LPIN3: variants seen among roughly 807,000 people sequenced by gnomAD.
LPIN3 encodes phosphatidate phosphatase LPIN3.
A neutral mutation model predicts 94.7 loss-of-function variants in LPIN3; 82 were observed. The ratio of observed to expected loss-of-function variants is 0.87; its 90% CI spans 0.72 to 1.04. The LOEUF (loss-of-function observed/expected upper bound fraction) is 1.04, where lower values mean the gene tolerates loss of function less well. LPIN3 is among the 50% of genes least tolerant of loss of function. The pLI is 0.00. For synonymous variants in LPIN3, 418 were observed against 443.3 expected (o/e 0.94, Z 0.72); for missense variants, 996 against 1,090.5 (o/e 0.91, Z 1.22).
rs1285243441 is a variant in LPIN3, at chr20:41,340,955, T to C, written c.-56T>C. 6.6e-6 allele frequency: 1 copy of C among 152,182 alleles called. No individual in the cohort carries two copies. The highest frequency in any genetic ancestry group is 2.4e-5 in the African/African-American group (1 of 41,412). 9.4% of individuals were successfully genotyped at this position (152,182 alleles called of 1,614,324 possible). On this transcript the variant is annotated 5_prime_UTR_variant, in exon 1 of 20. Coordinates refer to ENST00000373257, the MANE Select transcript of LPIN3 (RefSeq NM_022896.3). ...CACCTGTGGAGCCTGTGCACGTAGGTAGAGGCGGCGGCTCTGAGTCCAGGA... is the reference window on the plus strand; with the variant it reads ...CACCTGTGGAGCCTGTGCACGTAGGCAGAGGCGGCGGCTCTGAGTCCAGGA...
chr20:41,358,269 A>G lies in LPIN3; in HGVS notation c.2225A>G (p.Lys742Arg), dbSNP rs745310504. 6.2e-7 allele frequency: 1 copy of G among 1,614,086 alleles called. No individual in the cohort carries two copies. Among genetic ancestry groups the G allele is most frequent in the Non-Finnish European group, 8.5e-7 (1 of 1,180,028 alleles). Residue 742 changes from lysine (K) to arginine (R), a missense_variant, in exon 18 of 20, where the codon AAG (lysine) becomes AGG (arginine). Transcript: ENST00000373257. ...ATCGAGAAGAAACCAGAGGTGTTCA[A>G]GGTCGCCTGCCTGAGTGACATCCAG... ...EVIEKKPEVFKVACLSDIQQL... is the reference protein window; with the variant it reads ...EVIEKKPEVFRVACLSDIQQL...
At position 41,349,537 on chromosome 20, in the gene LPIN3, C is replaced by CCCTT. The variant is rs752063163; in HGVS notation, c.639-221_639-218dup. Among the ~76,000 whole-genome samples, 40 of 151,778 alleles carry CCCTT rather than the reference C, an allele frequency of 2.6e-4. 1 individual carries two copies. Among genetic ancestry groups the CCCTT allele is most frequent in the African/African-American group, 9.2e-4 (38 of 41,280 alleles). On this transcript the variant is annotated intron_variant, in intron 5 of 19. Transcript: ENST00000373257. ...CCATCTTCTTTTTTTTTCCTTCCTT[C>CCCTT]CCTTCCTTCCTTCCTTCCTCCCTCC...
intron 1 of LPIN3, among the ~76,000 whole-genome samples, chr20:41,341,850 G>A (rs568470236): frequency 6.6e-5 from 10 of 152,182 alleles, no homozygotes; most frequent in Non-Finnish European, 1.3e-4. Context: ...GGTGGCACAC[G>A]CCTGTAGTCC....
In LPIN3 at chr20:41,357,132, C is replaced by T. The variant is rs1157306789; in HGVS notation, c.1896C>T (p.Tyr632=). Residue 632 remains tyrosine, a synonymous_variant, in exon 15 of 20, where the codon TAC becomes TAT. Transcript: ENST00000373257. ...CCTGCCGCTGCAAGGCCACCATCTA[C>T]CTGTGGAAATGGGACGACAAGGTGG... ...QGTCRCKATI[Y]LWKWDDKVVI... 7 of 1,614,052 alleles carry T rather than the reference C, an allele frequency of 4.3e-6. No individual in the cohort carries two copies. The highest frequency in any genetic ancestry group is 2.2e-5 in the South Asian group (2 of 91,090).
Position 41,350,200 on chromosome 20 carries a change from A to T in LPIN3, c.905A>T (p.Glu302Val). ...TTGGGACTCCCAATCCAGCAAACAGAGGCTGGTGCCGACCTTCAGCCTGAC... is the reference window on the plus strand; with the variant it reads ...TTGGGACTCCCAATCCAGCAAACAGTGGCTGGTGCCGACCTTCAGCCTGAC... ...DPLGLPIQQT[E>V]AGADLQPDTE... is the part of the protein sequence containing the mutation. The change falls in exon 7 of 20, where the codon GAG (glutamate) becomes GTG (valine). Residue 302 changes from glutamate to valine, a missense_variant. Coordinates refer to ENST00000373257, the MANE Select transcript of LPIN3 (RefSeq NM_022896.3). The T allele has an allele frequency of 6.2e-7, 1 of 1,613,570 alleles. No homozygotes were observed. The highest frequency in any genetic ancestry group is 8.5e-7 in the Non-Finnish European group (1 of 1,180,020).
At position 41,352,229 on chromosome 20, in the gene LPIN3, G is replaced by A. The variant is rs1007671838; in HGVS notation, c.1363+9G>A. 9.3e-6 allele frequency: 15 copies of A among 1,613,716 alleles called. No individual in the cohort carries two copies. The highest frequency in any genetic ancestry group is 4.0e-5 in the African/African-American group (3 of 74,924). On this transcript the variant is annotated intron_variant, in intron 9 of 19. Transcript: ENST00000373257. ...CCGGGACATCTCCCTAGGTATGTTC[G>A]ACCATGGCCAAGCCCTTTTGAGGGC...
chr20:41,355,142 G>GC (rs1385221485), intron 13 of LPIN3, among the ~76,000 whole-genome samples: 8 of 152,166 alleles, frequency 5.3e-5, no homozygotes, highest in Non-Finnish European at 8.8e-5. Flanking sequence ...AGCCTCCTGA[G>GC]TAGCTGGGAT....
intron 9 of LPIN3, 83 bp from the exon 10 acceptor site, chr20:41,352,523 C>A: frequency 8.1e-7 from 1 of 1,234,606 alleles, no homozygotes; most frequent in Non-Finnish European, 1.2e-6. Flanking sequence ...AGGTGAGCAG[C>A]AGAGTGGGGA....
In LPIN3 at chr20:41,355,841, G is replaced by A; in HGVS notation, c.1665-55G>A. 3.1e-6 allele frequency: 5 copies of A among 1,602,926 alleles called. No individual in the cohort carries two copies. In the South Asian group the frequency reaches 3.3e-5, roughly 11 times the overall value. On this transcript the variant is annotated intron_variant, in intron 13 of 19. Coordinates refer to ENST00000373257, the MANE Select transcript of LPIN3 (RefSeq NM_022896.3). ...TCCAGCCTCCTCTTGGCATCTCCCG[G>A]GAGTGAAGGCCCTTTGGCTGGAGGA...
chr20:41,358,798 C>T lies in LPIN3; in HGVS notation c.2488C>T (p.Pro830Ser). 3 of 1,614,132 alleles carry T rather than the reference C, an allele frequency of 1.9e-6. No individual in the cohort carries two copies. The highest frequency in any genetic ancestry group is 2.5e-6 in the Non-Finnish European group (3 of 1,180,024). ...TGGCCCCAGCACAGACCTGGCCAAC[C>T]CTGAATACAGTAACTTCTGCTACTG... ...ARGPSTDLAN[P>S]EYSNFCYWRE... Residue 830 changes from proline to serine, a missense_variant, in exon 20 of 20, where the codon CCT becomes TCT. Pro to Ser is a moderately conservative substitution (Grantham distance 74, BLOSUM62 -1). Coordinates refer to ENST00000373257, the MANE Select transcript of LPIN3 (RefSeq NM_022896.3).
In LPIN3 at chr20:41,354,670, A is replaced by G; in HGVS notation, c.1553A>G (p.Glu518Gly). The G allele has an allele frequency of 1.3e-6, 2 of 1,596,982 alleles. No homozygotes were observed. Among genetic ancestry groups the G allele is most frequent in the Non-Finnish European group, 1.7e-6 (2 of 1,170,164 alleles). ...PKSTMDKLER[E>G]KMPRKGGRWW... Reference sequence around the variant, plus strand: ...AGCACCATGGACAAGCTGGAGAGGGAGAAGATGCCCCGGAAGGGTGGGCGA... The same window carrying G: ...AGCACCATGGACAAGCTGGAGAGGGGGAAGATGCCCCGGAAGGGTGGGCGA... The change falls in exon 12 of 20, where the codon GAG becomes GGG. Residue 518 changes from glutamate to glycine, a missense_variant. Transcript: ENST00000373257.
At chr20:41,345,088 C>T (rs2045720903) in intron 1 of LPIN3, among the ~76,000 whole-genome samples, 1 of 152,244 alleles carries the variant, frequency 6.6e-6, no homozygotes, top group African/African-American at 2.4e-5. Flanking sequence ...CACCTTCCAA[C>T]TCACAGGACC....
chr20:41,360,345 T>A lies in LPIN3; in HGVS notation c.*1479T>A, dbSNP rs1359273328. 1.3e-5 allele frequency: 2 copies of A among 152,146 alleles called. No individual in the cohort carries two copies. Among genetic ancestry groups the A allele is most frequent in the African/African-American group, 2.4e-5 (1 of 41,396 alleles). 9.4% of individuals were successfully genotyped at this position (152,146 alleles called of 1,614,324 possible). On this transcript the variant is annotated 3_prime_UTR_variant, in exon 20 of 20. Transcript: ENST00000373257. Reference sequence around the variant, plus strand: ...GCCTGGCCTCATTCAGGCCACTTTGTAGAGAAATGCCCTGACCTCGCAGGA... The same window carrying A: ...GCCTGGCCTCATTCAGGCCACTTTGAAGAGAAATGCCCTGACCTCGCAGGA...
chr20:41,351,759 A>G (rs781710149), intron 7 of LPIN3, 62 bp from the exon 8 acceptor site: 2 of 1,470,654 alleles, frequency 1.4e-6, no homozygotes, highest in African/African-American at 1.4e-5. Context: ...GTCAGAGGGC[A>G]CTTACTGTCC....
In LPIN3 at chr20:41,358,125, T is replaced by A. The variant is rs562037918; in HGVS notation, c.2192+91T>A. The A allele has an allele frequency of 3.8e-6, 6 of 1,581,466 alleles. No homozygotes were observed. The East Asian group carries it at 1.3e-4, about 35-fold the overall frequency. On this transcript the variant is annotated intron_variant, in intron 17 of 19. Coordinates refer to ENST00000373257, the MANE Select transcript of LPIN3 (RefSeq NM_022896.3). ...CAGCCTTAGCAGGCTGGCATTAAGC[T>A]CTCAGGTGGCAAGGAGGGTGGGGTC...
Position 41,352,692 on chromosome 20 carries a change from A to G in LPIN3, c.1450A>G (p.Asn484Asp). The part of the protein sequence containing the change: ...LDDPNLVVKI[N>D]GKHYNWAVAA... ...TGACCCAAACCTAGTGGTGAAAATCAATGGAAAGTAAGTCCCAGAGCTGGG... is the reference window on the plus strand; with the variant it reads ...TGACCCAAACCTAGTGGTGAAAATCGATGGAAAGTAAGTCCCAGAGCTGGG... The change falls in exon 10 of 20, where the codon AAT (asparagine) becomes GAT (aspartate). Residue 484 changes from asparagine (N) to aspartate (D), a missense_variant. Transcript: ENST00000373257. The G allele has an allele frequency of 6.2e-7, 1 of 1,614,088 alleles. No individual in the cohort carries two copies. Among genetic ancestry groups the G allele is most frequent in the African/African-American group, 1.3e-5 (1 of 75,052 alleles).
chr20:41,356,864 G>A (rs2046224950), intron 14 of LPIN3, among the ~76,000 whole-genome samples, 176 bp from the exon 15 acceptor site: 1 of 152,180 alleles, frequency 6.6e-6, no homozygotes, highest in South Asian at 2.1e-4. Context: ...GCCACCCTCT[G>A]CCCACATGGA....
chr20:41,350,845 A>C (rs2045982642), intron 7 of LPIN3, among the ~76,000 whole-genome samples: 1 of 152,218 alleles, frequency 6.6e-6, no homozygotes. Flanking sequence ...GGAGATGAGC[A>C]GACTCAGATG....
In LPIN3 at chr20:41,343,731, A is replaced by C. The variant is rs568302797; in HGVS notation, c.-8-2065A>C. Among the ~76,000 whole-genome samples the C allele has an allele frequency of 3.9e-5, 6 of 152,332 alleles. No homozygotes were observed. The East Asian group carries it at 1.2e-3, about 29-fold the overall frequency. On this transcript the variant is annotated intron_variant, in intron 1 of 19. Coordinates refer to ENST00000373257, the MANE Select transcript of LPIN3 (RefSeq NM_022896.3). Reference sequence around the variant, plus strand: ...AAAAGCAGTTCCTTTCAAACACATGAAAGGCTGCAGGAATCACCTCGGGAT... The same window carrying C: ...AAAAGCAGTTCCTTTCAAACACATGCAAGGCTGCAGGAATCACCTCGGGAT...
Sources: gnomAD v4.1 joint callset for allele counts (sites outside exome capture counted in the v4.1 genomes callset) on GRCh38, gnomAD v4.1.1 for gene constraint, MANE v1.5 for transcripts, NCBI Gene and HGNC (gene_info 2026-07-23, HGNC 2026-07-21) for gene names.